Variants in RREB1 observed in about 807,000 individuals in gnomAD.
The protein encoded by RREB1 is ras-responsive element-binding protein 1.
In RREB1, 27 loss-of-function variants were observed where a neutral mutation model predicts 117.8. That is an observed-to-expected ratio of 0.23 (90% CI 0.17 to 0.32). The LOEUF (loss-of-function observed/expected upper bound fraction) is 0.32. Among genes scored for constraint, RREB1 ranks in the 10% least tolerant of loss-of-function variants. The pLI, the probability that RREB1 is intolerant of heterozygous loss-of-function variation, is 1.00. For synonymous variants in RREB1, 1,298 were observed against 1,026.7 expected, an observed-to-expected ratio of 1.26 and a Z score of -5.05; for missense variants, 2,577 against 2,378.2, an observed-to-expected ratio of 1.08 and a Z score of -1.74.
At chr6:7,117,444 CTT>C (rs1385267336) in intron 1 of RREB1, among the ~76,000 whole-genome samples, 1 of 96,132 alleles carries the variant, frequency 1.0e-5, no homozygotes, top group African/African-American at 4.4e-5. Context: ...GTGTTTTACT[CTT>C]GTCACCGAGG....
At chr6:7,208,150 A>G (rs528614116) in intron 6 of RREB1, among the ~76,000 whole-genome samples, 1 of 152,224 alleles carries the variant, frequency 6.6e-6, no homozygotes, top group South Asian at 2.1e-4. Context: ...GAAAGACAAG[A>G]CCCAAGCCTT....
chr6:7,142,818 C>T (rs1432099349), intron 1 of RREB1, among the ~76,000 whole-genome samples: 1 of 152,220 alleles, frequency 6.6e-6, no homozygotes, highest in Non-Finnish European at 1.5e-5. Flanking sequence ...TTTTGCTGCA[C>T]CACCTTTGGT....
At chr6:7,181,817 A>G (rs1328874566) in intron 3 of RREB1, 53 bp from the exon 4 acceptor site, 3 of 1,321,732 alleles carry the variant, frequency 2.3e-6, no homozygotes, top group African/African-American at 2.9e-5. Context: ...CCCCCTGGCA[A>G]TGACAGAAGC....
chr6:7,221,102 A>G (rs1413564192), intron 8 of RREB1, among the ~76,000 whole-genome samples: 1 of 151,974 alleles, frequency 6.6e-6, no homozygotes, highest in Non-Finnish European at 1.5e-5. Context: ...GTGGTTTTCC[A>G]CACTGGTTTT....
At chr6:7,232,066 G>A (rs984900955) in intron 10 of RREB1, among the ~76,000 whole-genome samples, 159 bp downstream of exon 10, 1 of 152,208 alleles carries the variant, frequency 6.6e-6, no homozygotes, top group Non-Finnish European at 1.5e-5. Flanking sequence ...TGGTGGTGCT[G>A]TATTTCCTAT....
Position 7,243,587 on chromosome 6 carries a change from C to T in RREB1, c.3974-2837C>T, listed in dbSNP as rs553825492. Among the ~76,000 whole-genome samples the T allele has an allele frequency of 1.3e-4, 20 of 152,218 alleles. 1 individual carries two copies. The South Asian group carries it at 4.1e-3, about 32-fold the overall frequency. On this transcript the variant is annotated intron_variant, in intron 11 of 12. Coordinates refer to ENST00000379938, the MANE Select transcript of RREB1 (RefSeq NM_001003699.4). ...AGGTGAAGAGGTGAAGTTTTTTGTT[C>T]ATGAGAATCACTAATGAAAATCAGT...
In RREB1 at chr6:7,230,310, G is replaced by C. The variant is rs749879954; in HGVS notation, c.2211G>C (p.Val737=). 1 of 1,590,652 alleles carries C rather than the reference G, an allele frequency of 6.3e-7. No individual in the cohort carries two copies. The highest frequency in any genetic ancestry group is 8.5e-7 in the Non-Finnish European group (1 of 1,173,754). Residue 737 remains valine, a synonymous_variant, in exon 10 of 13, where the codon GTG becomes GTC. Transcript: ENST00000379938. ...ATATCGAGAAGAACATCGAGTATGT[G>C]AGTAGCAGCGCGGCCGAGCTGGTGG... is the stretch of plus-strand genomic sequence containing the variant. ...RKDIEKNIEY[V]SSSAAELVDA... is the part of the protein sequence containing the mutation.
intron 8 of RREB1, among the ~76,000 whole-genome samples, chr6:7,223,734 C>T (rs982203125): frequency 1.3e-5 from 2 of 152,148 alleles, no homozygotes; most frequent in Non-Finnish European, 2.9e-5. Flanking sequence ...CACACATACA[C>T]ATTCTCAGCT....
intron 6 of RREB1, 120 bp downstream of exon 6, chr6:7,189,442 T>A: frequency 1.0e-6 from 1 of 969,568 alleles, no homozygotes; most frequent in East Asian, 2.8e-5. Flanking sequence ...TGGAGCTCTG[T>A]CCATTGTATG....
At chr6:7,179,622 GTGAT>G in intron 2 of RREB1, among the ~76,000 whole-genome samples, 1 of 152,258 alleles carries the variant, frequency 6.6e-6, no homozygotes, top group East Asian at 1.9e-4. Context: ...ATGTAATTAT[GTGAT>G]TGATTACAAA....
chr6:7,206,376 C>G (rs970745030), intron 6 of RREB1, among the ~76,000 whole-genome samples: 1 of 152,172 alleles, frequency 6.6e-6, no homozygotes, highest in Non-Finnish European at 1.5e-5. Context: ...GGAACCTGAG[C>G]GTGTATGTCA....
intron 6 of RREB1, among the ~76,000 whole-genome samples, chr6:7,206,485 G>C (rs942967597): frequency 1.3e-5 from 2 of 152,132 alleles, no homozygotes; most frequent in Admixed American, 6.5e-5. Context: ...TTATTTGTTT[G>C]TTCTTCCATC....
chr6:7,190,631 GT>G (rs1434903049), intron 6 of RREB1, among the ~76,000 whole-genome samples: 1 of 152,188 alleles, frequency 6.6e-6, no homozygotes, highest in South Asian at 2.1e-4. Context: ...TCCTGGGACT[GT>G]TTTTGGGTAC....
At chr6:7,153,409 G>A (rs1468470335) in intron 1 of RREB1, among the ~76,000 whole-genome samples, 3 of 88,802 alleles carry the variant, frequency 3.4e-5, no homozygotes, top group Non-Finnish European at 7.0e-5. Flanking sequence ...TTCCAGTAGT[G>A]GTATACACAC....
At chr6:7,214,349 G>C (rs1183298513) in intron 8 of RREB1, 4 of 152,234 alleles carry the variant, frequency 2.6e-5, no homozygotes, top group African/African-American at 7.2e-5. Context: ...GCCCCTCTGG[G>C]CAGGCTCTCA....
chr6:7,146,181 T>C (rs535441342), intron 1 of RREB1, among the ~76,000 whole-genome samples: 2 of 152,156 alleles, frequency 1.3e-5, no homozygotes, highest in South Asian at 2.1e-4. Context: ...TAAAACACTT[T>C]GTGGAGCCTG....
chr6:7,114,237 T>G (rs932322770), intron 1 of RREB1, among the ~76,000 whole-genome samples: 18 of 152,190 alleles, frequency 1.2e-4, no homozygotes, highest in African/African-American at 4.1e-4. Flanking sequence ...TTCTCCTGCC[T>G]CAGTCTCCTG....
intron 12 of RREB1, among the ~76,000 whole-genome samples, chr6:7,247,700 G>A (rs1329148084): frequency 2.0e-5 from 3 of 152,112 alleles, no homozygotes; most frequent in Non-Finnish European, 2.9e-5. Flanking sequence ...CGTGCAGTTC[G>A]GCTGAGATGA....
chr6:7,119,440 G>T (rs991636071), intron 1 of RREB1, among the ~76,000 whole-genome samples: 7 of 152,182 alleles, frequency 4.6e-5, no homozygotes, highest in Non-Finnish European at 5.9e-5. Context: ...CTTTGTGTGT[G>T]GGGGAGGAGT....
Sources: gnomAD v4.1 joint callset for allele counts (sites outside exome capture counted in the v4.1 genomes callset) on GRCh38, gnomAD v4.1.1 for gene constraint, MANE v1.5 for transcripts, NCBI Gene and HGNC (gene_info 2026-07-23, HGNC 2026-07-21) for gene names.